PELI3: variants seen among roughly 807,000 people sequenced by gnomAD.
PELI3 encodes E3 ubiquitin-protein ligase pellino homolog 3.
A neutral mutation model predicts 35.5 loss-of-function variants in PELI3; 19 were observed. The observed-to-expected ratio is 0.54, with a 90% CI of 0.37 to 0.79. The LOEUF is 0.79. PELI3 is among the 30% of genes least tolerant of loss of function. The probability of loss-of-function intolerance (pLI) is 0.00; values close to 1 mark genes in which losing one functional copy is unlikely to be tolerated. For missense variants in PELI3, 490 were observed against 661.2 expected (o/e 0.74, Z 2.84); for synonymous variants, 262 against 279.2 (o/e 0.94, Z 0.62).
intron 2 of PELI3, among the ~76,000 whole-genome samples, chr11:66,468,538 C>G (rs1449152320): frequency 6.6e-6 from 1 of 152,244 alleles, no homozygotes; most frequent in East Asian, 1.9e-4. Context: ...ACACCAGCTG[C>G]CTTTCCTAAA....
intron 2 of PELI3, 73 bp downstream of exon 2, chr11:66,468,353 C>T: frequency 1.5e-6 from 2 of 1,355,050 alleles, no homozygotes; most frequent in African/African-American, 1.5e-5. Context: ...GGGCCCGACC[C>T]CTCCTCCCCC....
chr11:66,467,533 C>T lies in PELI3; in HGVS notation c.-2+506C>T. 6.6e-6 allele frequency: 1 copy of T among 152,074 alleles called. No homozygotes were observed. The highest frequency in any genetic ancestry group is 3.4e-3 in the Middle Eastern group (1 of 294). 9.4% of individuals were successfully genotyped at this position (152,074 alleles called of 1,614,324 possible). ...CTATTGGCCTACCCGCAGGGGGAGG[C>T]CGAGATGGGGAGACTGAGGCAGATG... On this transcript the variant is annotated intron_variant, in intron 1 of 7. Transcript: ENST00000320740. The surrounding 1 kb of genome is among the most constrained non-coding windows in gnomAD (Gnocchi z 4.2).
chr11:66,473,107 C>A lies in PELI3; in HGVS notation c.457-134C>A. 1.2e-6 allele frequency: 1 copy of A among 865,332 alleles called. No homozygotes were observed. Among genetic ancestry groups the A allele is most frequent in the African/African-American group, 1.7e-5 (1 of 59,300 alleles). 53.6% of individuals were successfully genotyped at this position (865,332 alleles called of 1,614,324 possible). On this transcript the variant is annotated intron_variant, in intron 5 of 7. Transcript: ENST00000320740. This position sits in a 1 kb window ranked among gnomAD's most constrained non-coding sequence, Gnocchi z 5.8. ...AGAGGGCCTATGGAGTTGGTGCTGC[C>A]CCTTCTCCAGGGCCTGGCAGCCTCC...
In PELI3 at chr11:66,475,612, C is replaced by T. The variant is rs1360440461; in HGVS notation, c.855C>T (p.Ser285=). The change falls in exon 8 of 8, where the codon TCC becomes TCT. Residue 285 remains serine (S), a synonymous_variant. Coordinates refer to ENST00000320740, the MANE Select transcript of PELI3 (RefSeq NM_145065.3). ...QQRGKLVENE[S]NVLQDGSLID... The stretch of plus-strand genomic sequence containing the variant: ...GCCTCTGGCAGGTGGAAAACGAGTC[C>T]AACGTGCTGCAGGACGGCTCTCTCA... 1 of 1,612,250 alleles carries T rather than the reference C, an allele frequency of 6.2e-7. No individual in the cohort carries two copies. The highest frequency in any genetic ancestry group is 8.5e-7 in the Non-Finnish European group (1 of 1,179,776).
At chr11:66,468,959 C>A in intron 3 of PELI3, 55 bp downstream of exon 3, 1 of 692,974 alleles carries the variant, frequency 1.4e-6, no homozygotes, top group Admixed American at 2.1e-5. Context: ...AGGTCTAGTG[C>A]GCTTTCACTA....
In PELI3 at chr11:66,476,321, GC is replaced by G. The variant is rs1590724288; in HGVS notation, c.*160del. ...GGCTGTGCCCTTCCCCCCAACTGTG[GC>G]CCCCCAAGGAGGTCCCCAAGATCTC... On this transcript the variant is annotated 3_prime_UTR_variant, in exon 8 of 8. Transcript: ENST00000320740. 6 of 838,060 alleles carry G rather than the reference GC, an allele frequency of 7.2e-6. No individual in the cohort carries two copies. Among genetic ancestry groups the G allele is most frequent in the East Asian group, 2.7e-5 (1 of 36,738 alleles). The allele number at this position is 838,060 out of a possible 1,614,324, so 51.9% of individuals were successfully genotyped here.
In PELI3 at chr11:66,468,155, G is replaced by T; in HGVS notation, c.27G>T (p.Val9=). 1 of 1,608,794 alleles carries T rather than the reference G, an allele frequency of 6.2e-7. No individual in the cohort carries two copies. Among genetic ancestry groups the T allele is most frequent in the South Asian group, 1.1e-5 (1 of 90,704 alleles). The change falls in exon 2 of 8, where the codon GTG becomes GTT. Residue 9 remains valine, a synonymous_variant. Coordinates refer to ENST00000320740, the MANE Select transcript of PELI3 (RefSeq NM_145065.3). ...TGGTGCTGGAAGGAAACCCTGAAGT[G>T]GGGTCCCCCCGAACCTCAGACCTCC... MVLEGNPE[V]GSPRTSDLQH...
Position 66,473,211 on chromosome 11 carries a change from A to G in PELI3, c.457-30A>G. On this transcript the variant is annotated intron_variant, in intron 5 of 7. Transcript: ENST00000320740. The surrounding 1 kb of genome is among the most constrained non-coding windows in gnomAD (Gnocchi z 5.8). ...CCATGAGAGTCCCCTATGTACATAC[A>G]GTCCCTGCTTGCTCTCCCTGTCCTC... 6.3e-7 allele frequency: 1 copy of G among 1,576,534 alleles called. No homozygotes were observed. Among genetic ancestry groups the G allele is most frequent in the Non-Finnish European group, 8.6e-7 (1 of 1,158,360 alleles).
rs1436791049 is a variant in PELI3 at position 66,467,508 on chromosome 11, C to G, written c.-2+481C>G. ...GGAAGAGCGCGCACCCAGGAGGAGT[C>G]TATTGGCCTACCCGCAGGGGGAGGC... On this transcript the variant is annotated intron_variant, in intron 1 of 7. Transcript: ENST00000320740. The surrounding 1 kb of genome is among the most constrained non-coding windows in gnomAD (Gnocchi z 4.2). The G allele has an allele frequency of 3.9e-5, 6 of 152,398 alleles. No individual in the cohort carries two copies. Among genetic ancestry groups the G allele is most frequent in the African/African-American group, 1.5e-4 (6 of 41,346 alleles). The allele number at this position is 152,398 out of a possible 1,614,324, so 9.4% of individuals were successfully genotyped here.
chr11:66,473,757 G>C lies in PELI3; in HGVS notation c.672G>C (p.Arg224=). 2 of 1,613,828 alleles carry C rather than the reference G, an allele frequency of 1.2e-6. No individual in the cohort carries two copies. The highest frequency in any genetic ancestry group is 1.7e-6 in the Non-Finnish European group (2 of 1,179,964). ...CCCAGGAGCGAGCGGCCAAATGGCG[G>C]ACCCCAGATGGCCTGATGGATGGAC... ...IFLGERAAKW[R]TPDGLMDGLT... is the part of the protein sequence containing the mutation. The change falls in exon 7 of 8, where the codon CGG becomes CGC. Residue 224 remains arginine, a synonymous_variant. Transcript: ENST00000320740. The surrounding 1 kb of genome is among the most constrained non-coding windows in gnomAD (Gnocchi z 5.8).
At position 66,473,311 on chromosome 11, in the gene PELI3, AG is replaced by A; in HGVS notation, c.530del (p.Gly177AlafsTer53). 1 of 1,613,414 alleles carries A rather than the reference AG, an allele frequency of 6.2e-7. No homozygotes were observed. The highest frequency in any genetic ancestry group is 8.5e-7 in the Non-Finnish European group (1 of 1,179,956). ...ACGTCCCCTGGAGGAGGGGCTGCCG[AG>A]GGCCCTTCTGCCCAGAGCACCATCT... ...TDTSPGGGAA[E>X]GPSAQSTISR... On this transcript the variant is annotated frameshift_variant, in exon 6 of 8. Coordinates refer to ENST00000320740, the MANE Select transcript of PELI3 (RefSeq NM_145065.3). LOFTEE classifies it high-confidence loss of function. The surrounding 1 kb of genome is among the most constrained non-coding windows in gnomAD (Gnocchi z 5.8).
At position 66,469,791 on chromosome 11, in the gene PELI3, G is replaced by GTTTTTTTTT. The variant is rs34461329; in HGVS notation, c.224+891_224+899dup. Among the ~76,000 whole-genome samples the GTTTTTTTTT allele has an allele frequency of 5.2e-3, 651 of 124,494 alleles. 81 individuals carry two copies. The highest frequency in any genetic ancestry group is 0.016 in the African/African-American group (529 of 32,154). 81.7% of individuals were successfully genotyped at this position (124,494 alleles called of 152,430 possible). On this transcript the variant is annotated intron_variant, in intron 3 of 7. Transcript: ENST00000320740. ...CGCAGTGGGTGGGACCAGGGAATCT[G>GTTTTTTTTT]TTTTTTTTTTTTGTTTTTTTTTTTT...
intron 7 of PELI3, chr11:66,474,158 G>C (rs1041119701): frequency 1.2e-5 from 8 of 684,446 alleles, no homozygotes; most frequent in African/African-American, 1.1e-4. Context: ...GGAGGTCCAG[G>C]GGGTGATGCG....
At position 66,476,127 on chromosome 11, in the gene PELI3, A is replaced by G. The variant is rs778200092; in HGVS notation, c.1370A>G (p.His457Arg). The G allele has an allele frequency of 6.3e-7, 1 of 1,580,374 alleles. No homozygotes were observed. Among genetic ancestry groups the G allele is most frequent in the Non-Finnish European group, 8.6e-7 (1 of 1,168,114 alleles). Residue 457 changes from histidine (H) to arginine (R), a missense_variant, in exon 8 of 8, where the codon CAT becomes CGT. His to Arg is a conservative substitution (Grantham distance 29). This residue lies in a region of PELI3 where 349 missense variants were observed against 484.8 expected (regional missense o/e 0.72). Coordinates refer to ENST00000320740, the MANE Select transcript of PELI3 (RefSeq NM_145065.3). ...TGCGGGGCCTGGCTTACCGGCGAGC[A>G]TGGCTGCGTCCGCCTCATTTTCCAG... ...PFCGAWLTGE[H>R]GCVRLIFQGP... is the part of the protein sequence containing the mutation.
intron 3 of PELI3, among the ~76,000 whole-genome samples, chr11:66,469,817 T>TTTTTA (rs1184335773): frequency 6.7e-6 from 1 of 149,786 alleles, no homozygotes; most frequent in Admixed American, 6.6e-5. Context: ...TTTTTTTTTT[T>TTTTTA]GAGACAGAGT....
At position 66,475,674 on chromosome 11, in the gene PELI3, C is replaced by T. The variant is rs752334697; in HGVS notation, c.917C>T (p.Pro306Leu). 6.2e-6 allele frequency: 10 copies of T among 1,612,548 alleles called. No homozygotes were observed. Among genetic ancestry groups the T allele is most frequent in the Non-Finnish European group, 7.6e-6 (9 of 1,179,864 alleles). Residue 306 changes from proline to leucine, a missense_variant, in exon 8 of 8, where the codon CCG becomes CTG. By Grantham distance (98) the Pro-to-Leu change is moderately conservative (BLOSUM62 -3). Coordinates refer to ENST00000320740, the MANE Select transcript of PELI3 (RefSeq NM_145065.3). Reference protein sequence around the residue: ...LCGATLLWRTPAGLLRAPTLK... With the variant: ...LCGATLLWRTLAGLLRAPTLK... Reference sequence around the variant, plus strand: ...GGGGCCACACTGCTGTGGCGCACACCGGCGGGGCTGCTGCGGGCTCCCACA... The same window carrying T: ...GGGGCCACACTGCTGTGGCGCACACTGGCGGGGCTGCTGCGGGCTCCCACA...
At chr11:66,469,655 C>A (rs548031533) in intron 3 of PELI3, among the ~76,000 whole-genome samples, 1 of 152,366 alleles carries the variant, frequency 6.6e-6, no homozygotes, top group East Asian at 1.9e-4. Flanking sequence ...TATGGACCCT[C>A]CTGTCAGCCC....
Position 66,473,166 on chromosome 11 carries a change from G to A in PELI3, c.457-75G>A, listed in dbSNP as rs1373898524. 7.1e-7 allele frequency: 1 copy of A among 1,412,170 alleles called. No homozygotes were observed. Among genetic ancestry groups the A allele is most frequent in the African/African-American group, 1.4e-5 (1 of 69,838 alleles). 87.5% of individuals were successfully genotyped at this position (1,412,170 alleles called of 1,614,324 possible). ...TGACCTTGCATACAGAGCAGCTGCT[G>A]GTACTCTGGGAGGGAAGGCCCATGA... On this transcript the variant is annotated intron_variant, in intron 5 of 7. Transcript: ENST00000320740. This position sits in a 1 kb window ranked among gnomAD's most constrained non-coding sequence, Gnocchi z 5.8.
At chr11:66,466,768 A>G (rs1401655462), upstream of PELI3, 1 of 151,624 alleles carries the variant, frequency 6.6e-6, no homozygotes, top group East Asian at 1.9e-4. Context: ...TCCGCCTACG[A>G]AGGCTGAGCA....
Sources: gnomAD v4.1 joint callset for allele counts (sites outside exome capture counted in the v4.1 genomes callset) on GRCh38, gnomAD v4.1.1 for gene constraint, gnomAD v4.1.1 regional missense constraint, Gnocchi (gnomAD v3.1) non-coding constraint, MANE v1.5 for transcripts, NCBI Gene and HGNC (gene_info 2026-07-23, HGNC 2026-07-21) for gene names.